Variants in MYO9B observed in about 807,000 individuals in gnomAD.
The protein encoded by MYO9B is unconventional myosin-IXb.
A neutral mutation model predicts 229.5 loss-of-function variants in MYO9B; 71 were observed. The observed-to-expected ratio is 0.31, with a 90% CI of 0.26 to 0.38. The LOEUF (loss-of-function observed/expected upper bound fraction) is 0.38, where lower values mean the gene tolerates loss of function less well. Ranked by LOEUF, MYO9B falls within the 10% of genes least tolerant of loss-of-function variation. The probability of loss-of-function intolerance (pLI) is 1.00; values close to 1 mark genes in which losing one functional copy is unlikely to be tolerated. For synonymous variants in MYO9B, 1,185 were observed against 1,235.8 expected (o/e 0.96, Z 0.86); for missense variants, 2,255 against 2,920.5 (o/e 0.77, Z 5.25).
chr19:17,091,117 G>A (rs904355990), intron 1 of MYO9B, among the ~76,000 whole-genome samples: 2 of 152,190 alleles, frequency 1.3e-5, no homozygotes, highest in African/African-American at 2.4e-5. Context: ...ATAAAATAAC[G>A]CCATGTGTAG....
Position 17,159,557 on chromosome 19 carries a change from G to A in MYO9B, c.1419+73G>A, listed in dbSNP as rs916866323. On this transcript the variant is annotated intron_variant, in intron 8 of 39. Coordinates refer to ENST00000682292, the MANE Select transcript of MYO9B (RefSeq NM_004145.4). ...GTGGGAATGGTCTTTGGAAAGAGCC[G>A]GCATGGGTGGGCTGTTCTGTCCCTG... is the stretch of plus-strand genomic sequence containing the variant. 1.3e-4 allele frequency: 162 copies of A among 1,268,214 alleles called. 1 individual carries two copies. The Admixed American group carries it at 2.7e-3, about 21-fold the overall frequency. 78.6% of individuals were successfully genotyped at this position (1,268,214 alleles called of 1,614,324 possible). A position where few individuals can be genotyped will look rare whatever the true frequency, so the allele number is the denominator to read the frequency against.
chr19:17,153,896 G>A (rs1568276363), intron 4 of MYO9B, 71 bp from the exon 5 acceptor site: 14 of 1,094,594 alleles, frequency 1.3e-5, no homozygotes, highest in Middle Eastern at 2.0e-4. Flanking sequence ...AGCCATGTTA[G>A]TAGTGGTTCG....
At chr19:17,148,116 C>T (rs781256313) in intron 3 of MYO9B, among the ~76,000 whole-genome samples, 24 of 152,182 alleles carry the variant, frequency 1.6e-4, no homozygotes, top group Non-Finnish European at 3.5e-4. Flanking sequence ...ATCTTTTGCA[C>T]GATCCTATCT....
intron 3 of MYO9B, among the ~76,000 whole-genome samples, chr19:17,148,098 G>T (rs142866189): frequency 6.6e-6 from 1 of 152,058 alleles, no homozygotes; most frequent in African/African-American, 2.4e-5. Flanking sequence ...TTTTCTTCCC[G>T]TGGGTCCATC....
intron 16 of MYO9B, among the ~76,000 whole-genome samples, chr19:17,184,254 C>T (rs1444787828): frequency 5.3e-5 from 8 of 152,208 alleles, no homozygotes; most frequent in South Asian, 2.1e-4. Flanking sequence ...GGGACCCTTC[C>T]GTTTAACACC....
Position 17,106,594 on chromosome 19 carries a change from T to A in MYO9B, c.840+4037T>A, listed in dbSNP as rs532361322. On this transcript the variant is annotated intron_variant, in intron 2 of 39. Transcript: ENST00000682292. ...CTCAACGGCTCTCCAGGCCAAAACA[T>A]CAGTGCCTGGCATCCACACCCGAGA... Among the ~76,000 whole-genome samples the A allele has an allele frequency of 3.3e-5, 5 of 152,274 alleles. No individual in the cohort carries two copies. The South Asian group carries it at 8.3e-4, about 25-fold the overall frequency.
Position 17,175,241 on chromosome 19 carries a change from G to A in MYO9B, c.2141-422G>A, listed in dbSNP as rs958857100. ...GAGCTGTGATCGCACCACTGCACTCGGCCTAGGCAATGCAGCAAGACCCTG... is the reference window on the plus strand; with the variant it reads ...GAGCTGTGATCGCACCACTGCACTCAGCCTAGGCAATGCAGCAAGACCCTG... On this transcript the variant is annotated intron_variant, in intron 13 of 39. Transcript: ENST00000682292. 3.3e-5 allele frequency among the ~76,000 whole-genome samples: 5 copies of A among 150,676 alleles called. No individual in the cohort carries two copies. In the South Asian group the frequency reaches 8.4e-4, roughly 25 times the overall value.
chr19:17,204,244 G>T (rs912847647), intron 30 of MYO9B, among the ~76,000 whole-genome samples: 1 of 151,916 alleles, frequency 6.6e-6, no homozygotes, highest in African/African-American at 2.4e-5. Context: ...TCTGCAAGGC[G>T]TCAGCTGGGT....
At position 17,210,824 on chromosome 19, in the gene MYO9B, G is replaced by T; in HGVS notation, c.5906G>T (p.Arg1969Leu). The change falls in exon 38 of 40, where the codon CGG becomes CTG. Residue 1969 changes from arginine to leucine, a missense_variant. Coordinates refer to ENST00000682292, the MANE Select transcript of MYO9B (RefSeq NM_004145.4). ...EDREKEILIE[R>L]IQSIKEEKED... ...CGGGAAAAGGAGATTCTCATTGAAC[G>T]GATCCAGTCCATCAAGGAGGAGAAG... is the stretch of plus-strand genomic sequence containing the variant. 6.3e-7 allele frequency: 1 copy of T among 1,598,980 alleles called. No homozygotes were observed. Among genetic ancestry groups the T allele is most frequent in the Non-Finnish European group, 8.5e-7 (1 of 1,173,256 alleles).
At chr19:17,117,664 G>C (rs961206184) in intron 2 of MYO9B, among the ~76,000 whole-genome samples, 7 of 152,130 alleles carry the variant, frequency 4.6e-5, no homozygotes, top group African/African-American at 1.7e-4. Flanking sequence ...TCAGCCCGAT[G>C]CGGTGGCTCA....
intron 7 of MYO9B, 110 bp from the exon 8 acceptor site, chr19:17,159,285 T>G (rs1599379394): frequency 1.1e-6 from 1 of 930,070 alleles, no homozygotes; most frequent in Non-Finnish European, 1.7e-6. Context: ...CTGCTGGGGG[T>G]CCGTCTCCCA....
intron 2 of MYO9B, among the ~76,000 whole-genome samples, chr19:17,125,306 C>A (rs937316370): frequency 7.2e-6 from 1 of 138,958 alleles, no homozygotes; most frequent in African/African-American, 2.9e-5. Flanking sequence ...ATCCCCCCCC[C>A]CCCAAAAAAA....
intron 2 of MYO9B, among the ~76,000 whole-genome samples, chr19:17,128,691 G>A (rs2072156072): frequency 2.0e-5 from 3 of 152,238 alleles, no homozygotes; most frequent in Non-Finnish European, 2.9e-5. Flanking sequence ...CCAGGTGGGC[G>A]TCACCTACTC....
chr19:17,197,684 C>T, intron 22 of MYO9B, 108 bp from the exon 23 acceptor site: 2 of 1,271,428 alleles, frequency 1.6e-6, no homozygotes, highest in African/African-American at 2.9e-5. Context: ...GCCAAGTGTC[C>T]CCTGGCAGGG....
At chr19:17,117,701 GC>G (rs1287182170) in intron 2 of MYO9B, among the ~76,000 whole-genome samples, 1 of 152,142 alleles carries the variant, frequency 6.6e-6, no homozygotes, top group East Asian at 1.9e-4. Context: ...ACTTTTAGAG[GC>G]CGAGGCAGGC....
chr19:17,210,976 ACT>A, intron 38 of MYO9B, 128 bp downstream of exon 38: 11 of 565,596 alleles, frequency 1.9e-5, no homozygotes, highest in South Asian at 3.8e-5. Context: ...GGCAAACAAC[ACT>A]TTTTTTTTTT....
rs1039661586 is a variant in MYO9B, at chr19:17,101,096, G to C, written c.-58-564G>C. 2.6e-5 allele frequency among the ~76,000 whole-genome samples: 4 copies of C among 151,450 alleles called. No homozygotes were observed. Among genetic ancestry groups the C allele is most frequent in the Non-Finnish European group, 5.9e-5 (4 of 67,908 alleles). On this transcript the variant is annotated intron_variant, in intron 1 of 39. Coordinates refer to ENST00000682292, the MANE Select transcript of MYO9B (RefSeq NM_004145.4). The surrounding 1 kb of genome is among the most constrained non-coding windows in gnomAD (Gnocchi z 4.7). ...GGATTGAGAGGCTGCCTCTGGATGG[G>C]GTGGGATGGGGGCTGGGATGGAGCA...
intron 13 of MYO9B, among the ~76,000 whole-genome samples, chr19:17,173,779 A>AT (rs896140297): frequency 3.3e-5 from 5 of 151,938 alleles, no homozygotes; most frequent in Admixed American, 2.0e-4. Flanking sequence ...CTATGTCCTC[A>AT]TTTTTCCCAG....
chr19:17,125,956 T>C (rs1599348946), intron 2 of MYO9B, among the ~76,000 whole-genome samples: 1 of 152,262 alleles, frequency 6.6e-6, no homozygotes, highest in Middle Eastern at 3.4e-3. Context: ...TGCAGCTGCC[T>C]CCTGTGCAGG....
Sources: gnomAD v4.1 joint callset for allele counts (sites outside exome capture counted in the v4.1 genomes callset) on GRCh38, gnomAD v4.1.1 for gene constraint, Gnocchi (gnomAD v3.1) non-coding constraint, MANE v1.5 for transcripts, NCBI Gene and HGNC (gene_info 2026-07-23, HGNC 2026-07-21) for gene names.